WDPCP: variants seen among roughly 807,000 people sequenced by gnomAD.
WDPCP encodes the protein WD repeat-containing and planar cell polarity effector protein fritz homolog.
A neutral mutation model predicts 93.1 loss-of-function variants in WDPCP; 71 were observed. The ratio of observed to expected loss-of-function variants is 0.76; its 90% confidence interval spans 0.63 to 0.93. The LOEUF (loss-of-function observed/expected upper bound fraction) is 0.93. Among genes scored for constraint, WDPCP ranks in the 40% least tolerant of loss-of-function variants. The probability of loss-of-function intolerance (pLI) is 0.00; values close to 1 mark genes in which losing one functional copy is unlikely to be tolerated. For missense variants in WDPCP, 844 were observed against 887.4 expected (o/e 0.95, Z 0.62); for synonymous variants, 315 against 315.0 (o/e 1.00, Z 0.00).
intron 17 of WDPCP, among the ~76,000 whole-genome samples, chr2:63,136,271 A>G (rs1185570057): frequency 1.3e-5 from 2 of 152,202 alleles, no homozygotes; most frequent in African/African-American, 4.8e-5. Context: ...AATGGTTAAA[A>G]TAAGTAGTGA....
At chr2:63,783,528 C>T (rs1208591832) in intron 2 of WDPCP, among the ~76,000 whole-genome samples, 1 of 152,102 alleles carries the variant, frequency 6.6e-6, no homozygotes, top group Non-Finnish European at 1.5e-5. Context: ...ACTAAGTGTT[C>T]ATCAGCAGAT....
intron 2 of WDPCP, among the ~76,000 whole-genome samples, chr2:63,686,196 A>G (rs1250127379): frequency 1.3e-5 from 2 of 152,238 alleles, no homozygotes; most frequent in African/African-American, 2.4e-5. Flanking sequence ...ATATTTGGAA[A>G]AACTTAAAAA....
At chr2:63,816,560 G>C (rs540632970) in intron 1 of WDPCP, among the ~76,000 whole-genome samples, 17 of 152,282 alleles carry the variant, frequency 1.1e-4, no homozygotes, top group African/African-American at 4.1e-4. Flanking sequence ...AATATCTGGA[G>C]CCACCAGAAG....
chr2:63,708,349 G>T (rs970777412), intron 2 of WDPCP, among the ~76,000 whole-genome samples: 1 of 152,136 alleles, frequency 6.6e-6, no homozygotes, highest in South Asian at 2.1e-4. Context: ...CCCCAGCCTC[G>T]CTGCTGCCTT....
At chr2:63,620,004 T>A (rs1460577940) in intron 3 of WDPCP, among the ~76,000 whole-genome samples, 1 of 152,172 alleles carries the variant, frequency 6.6e-6, no homozygotes, top group Admixed American at 6.5e-5. Flanking sequence ...ATACTACGCT[T>A]TTCCCATAGG....
intron 14 of WDPCP, among the ~76,000 whole-genome samples, chr2:63,230,848 G>A (rs1346108745): frequency 1.3e-5 from 2 of 151,948 alleles, no homozygotes; most frequent in South Asian, 2.1e-4. Context: ...TTGTCAGATG[G>A]GTAGATTGCA....
intron 2 of WDPCP, among the ~76,000 whole-genome samples, chr2:63,765,357 C>G (rs973558980): frequency 6.6e-6 from 1 of 152,078 alleles, no homozygotes; most frequent in African/African-American, 2.4e-5. Flanking sequence ...TTGAGGCCAG[C>G]GGGCTTAAGC....
chr2:63,139,867 T>C (rs1032509378), intron 17 of WDPCP, among the ~76,000 whole-genome samples: 2 of 152,246 alleles, frequency 1.3e-5, no homozygotes, highest in Admixed American at 1.3e-4. Flanking sequence ...TTTTGGGTTC[T>C]TGGTAATGAA....
At chr2:63,809,297 A>G (rs1245041352) in intron 2 of WDPCP, among the ~76,000 whole-genome samples, 4 of 146,636 alleles carry the variant, frequency 2.7e-5, no homozygotes, top group Non-Finnish European at 6.0e-5. Context: ...GTGGGGGTTC[A>G]GCCCCCCGCC....
At chr2:63,632,999 C>T (rs568741872) in intron 3 of WDPCP, among the ~76,000 whole-genome samples, 1 of 152,234 alleles carries the variant, frequency 6.6e-6, no homozygotes, top group African/African-American at 2.4e-5. Context: ...TCATCTCATA[C>T]AAGGGAATCT....
At chr2:63,278,887 A>G (rs908073183) in intron 13 of WDPCP, among the ~76,000 whole-genome samples, 2 of 152,212 alleles carry the variant, frequency 1.3e-5, no homozygotes, top group African/African-American at 4.8e-5. Flanking sequence ...TAGAAAACCT[A>G]GAGGAGATGG....
At chr2:63,594,749 T>C in intron 3 of WDPCP, 1 of 569,744 alleles carries the variant, frequency 1.8e-6, no homozygotes, top group Non-Finnish European at 3.1e-6. Context: ...GGTATTTATA[T>C]GTACGCCTCC....
intron 13 of WDPCP, among the ~76,000 whole-genome samples, chr2:63,282,375 C>T (rs532235665): frequency 1.3e-5 from 2 of 152,130 alleles, no homozygotes; most frequent in African/African-American, 4.8e-5. Context: ...CGTGGTGGTG[C>T]GTACCTGTAG....
chr2:63,305,288 C>T (rs371734835), intron 13 of WDPCP, among the ~76,000 whole-genome samples: 14 of 152,272 alleles, frequency 9.2e-5, no homozygotes, highest in African/African-American at 2.9e-4. Flanking sequence ...ACCCCCGTGA[C>T]TCCTGACTGG....
At chr2:63,384,687 G>C (rs1692585583) in intron 10 of WDPCP, among the ~76,000 whole-genome samples, 1 of 151,482 alleles carries the variant, frequency 6.6e-6, no homozygotes, top group Non-Finnish European at 1.5e-5. Context: ...AGAGTTTTAA[G>C]TCCAACCTGG....
intron 17 of WDPCP, among the ~76,000 whole-genome samples, chr2:63,148,381 C>T (rs1388875836): frequency 6.6e-6 from 1 of 152,052 alleles, no homozygotes; most frequent in African/African-American, 2.4e-5. Flanking sequence ...ATTCTGTCGC[C>T]CAGGCTGGAG....
intron 8 of WDPCP, 25 bp from the exon 9 acceptor site, chr2:63,433,961 T>C (rs1016787205): frequency 3.7e-6 from 6 of 1,608,288 alleles, no homozygotes; most frequent in Admixed American, 1.7e-5. Context: ...AAAGCATACA[T>C]GAAACATTTC....
chr2:63,615,315 C>G (rs1309859775), intron 3 of WDPCP, among the ~76,000 whole-genome samples: 1 of 152,152 alleles, frequency 6.6e-6, no homozygotes, highest in Non-Finnish European at 1.5e-5. Flanking sequence ...GGGGAGATGC[C>G]TGCAGCCGCA....
Position 63,439,664 on chromosome 2 carries a change from C to T in WDPCP, c.499+93G>A, listed in dbSNP as rs148824149. Reference sequence around the variant, plus strand: ...GCAATTACTTGTTGTGTTTGCAAGTCCCCAGTGGTAATAATTAGTCTACCT... The same window carrying T: ...GCAATTACTTGTTGTGTTTGCAAGTTCCCAGTGGTAATAATTAGTCTACCT... On this transcript the variant is annotated intron_variant, in intron 7 of 17. Transcript: ENST00000272321. 1.3e-4 allele frequency: 139 copies of T among 1,098,132 alleles called. No homozygotes were observed. The East Asian group carries it at 2.8e-3, about 22-fold the overall frequency. The allele number at this position is 1,098,132 out of a possible 1,614,324, so 68.0% of individuals were successfully genotyped here. A position where few individuals can be genotyped will look rare whatever the true frequency, so the allele number is the denominator to read the frequency against.
Sources: gnomAD v4.1 joint callset for allele counts (sites outside exome capture counted in the v4.1 genomes callset) on GRCh38, gnomAD v4.1.1 for gene constraint, MANE v1.5 for transcripts, NCBI Gene and HGNC (gene_info 2026-07-23, HGNC 2026-07-21) for gene names.